GALNT13: variants seen among roughly 807,000 people sequenced by gnomAD.
GALNT13 encodes polypeptide N-acetylgalactosaminyltransferase 13, also known as UDP-GalNAc:polypeptide N-acetylgalactosaminyltransferase 13.
GALNT13 carries 28 observed loss-of-function variants against 64.2 expected under a neutral mutation model. That is an observed-to-expected ratio of 0.44 (90% CI 0.32 to 0.60). The LOEUF is 0.60. Ranked by LOEUF, GALNT13 falls within the 20% of genes least tolerant of loss-of-function variation. GALNT13 has a pLI of 0.05. For missense variants in GALNT13, 577 were observed against 669.8 expected, an observed-to-expected ratio of 0.86 and a Z score of 1.53; for synonymous variants, 214 against 224.6, an observed-to-expected ratio of 0.95 and a Z score of 0.42.
the GALNT13 span, among the ~76,000 whole-genome samples, chr2:153,255,863 T>A: frequency 0.34 from 51,743 of 152,072 alleles, 9,035 homozygotes; most frequent in Middle Eastern, 0.51. Flanking sequence ...CTTCCCTTTG[T>A]GGGTAACTTC....
intron 3 of GALNT13, among the ~76,000 whole-genome samples, chr2:153,994,009 G>A (rs1435867922): frequency 1.3e-5 from 2 of 151,986 alleles, no homozygotes; most frequent in Non-Finnish European, 2.9e-5. Context: ...TTGGTGTGCT[G>A]CACCCATTAA....
At chr2:154,354,600 A>G (rs1041045940) in intron 9 of GALNT13, among the ~76,000 whole-genome samples, 1 of 141,074 alleles carries the variant, frequency 7.1e-6, no homozygotes, top group African/African-American at 2.6e-5. Context: ...ATGGTGTGAA[A>G]TGGTGGTTCA....
At chr2:154,361,771 T>A (rs1423305039) in intron 9 of GALNT13, among the ~76,000 whole-genome samples, 1 of 152,132 alleles carries the variant, frequency 6.6e-6, no homozygotes, top group Non-Finnish European at 1.5e-5. Flanking sequence ...GCCTGTGTCA[T>A]TCTAATAAGC....
At position 154,290,976 on chromosome 2, in the gene GALNT13, C is replaced by T. The variant is rs1316476992; in HGVS notation, c.976-10433C>T. Among the ~76,000 whole-genome samples the T allele has an allele frequency of 1.3e-4, 20 of 152,024 alleles. 1 individual carries two copies. The highest frequency in any genetic ancestry group is 1.3e-3 in the Admixed American group (20 of 15,282). On this transcript the variant is annotated intron_variant, in intron 8 of 12. Transcript: ENST00000392825. ...GGTCTCGCGGGCTTCAGGAGTGAAG[C>T]TACAGACCTTCTCGGTGAGCGTTAC... is the stretch of plus-strand genomic sequence containing the variant.
At chr2:153,218,469 C>G in the GALNT13 span, among the ~76,000 whole-genome samples, 1 of 152,226 alleles carries the variant, frequency 6.6e-6, no homozygotes, top group Admixed American at 6.5e-5. Flanking sequence ...TACCAGTGCC[C>G]TAAGAGCCAC....
At chr2:154,335,439 C>A (rs1297472219) in intron 9 of GALNT13, among the ~76,000 whole-genome samples, 1 of 151,918 alleles carries the variant, frequency 6.6e-6, no homozygotes, top group Non-Finnish European at 1.5e-5. Flanking sequence ...TGTGTTTTCT[C>A]CCCTTTTCAG....
intron 3 of GALNT13, among the ~76,000 whole-genome samples, chr2:153,982,388 G>T (rs1374363058): frequency 6.6e-6 from 1 of 152,046 alleles, no homozygotes; most frequent in East Asian, 1.9e-4. Context: ...TGTATACAAA[G>T]CATTTTCTAC....
At chr2:154,409,502 A>G (rs868127936) in intron 11 of GALNT13, among the ~76,000 whole-genome samples, 8 of 152,144 alleles carry the variant, frequency 5.3e-5, no homozygotes, top group Middle Eastern at 6.8e-3. Flanking sequence ...GAAGTTTAAT[A>G]AAATGTTTAA....
At chr2:153,153,928 G>T in the GALNT13 span, among the ~76,000 whole-genome samples, 2 of 151,952 alleles carry the variant, frequency 1.3e-5, no homozygotes, top group Non-Finnish European at 2.9e-5. Context: ...TTCCAATTCT[G>T]TGAAGAATAT....
the GALNT13 span, among the ~76,000 whole-genome samples, chr2:153,786,368 C>A: frequency 6.6e-6 from 1 of 152,120 alleles, no homozygotes; most frequent in East Asian, 1.9e-4. Context: ...CCCCTCTTCG[C>A]CAGTTGGGAC....
At position 154,269,926 on chromosome 2, in the gene GALNT13, T is replaced by TATATATA. The variant is rs1356571076; in HGVS notation, c.975+10788_975+10789insATATATA. Among the ~76,000 whole-genome samples, 5 of 33,342 alleles carry TATATATA rather than the reference T, an allele frequency of 1.5e-4. 1 individual carries two copies. Among genetic ancestry groups the TATATATA allele is most frequent in the South Asian group, 1.5e-3 (1 of 648 alleles). 21.9% of individuals were successfully genotyped at this position (33,342 alleles called of 152,430 possible). ...TATGTGTATATATATATATATATAT[T>TATATATA]TCTAAAGCACAGGGTGAGTAGGTGT... On this transcript the variant is annotated intron_variant, in intron 8 of 12. Transcript: ENST00000392825.
intron 11 of GALNT13, among the ~76,000 whole-genome samples, chr2:154,433,929 T>G (rs748927099): frequency 6.6e-6 from 1 of 152,188 alleles, no homozygotes; most frequent in Non-Finnish European, 1.5e-5. Flanking sequence ...ATATTAGAGA[T>G]GAGTCTTTAA....
chr2:154,204,050 A>G (rs1687309784), intron 4 of GALNT13, among the ~76,000 whole-genome samples: 1 of 152,086 alleles, frequency 6.6e-6, no homozygotes, highest in Non-Finnish European at 1.5e-5. Context: ...CCACAAGCCC[A>G]TTTTGATCCA....
At chr2:153,656,906 C>T in the GALNT13 span, among the ~76,000 whole-genome samples, 1 of 151,912 alleles carries the variant, frequency 6.6e-6, no homozygotes, top group Non-Finnish European at 1.5e-5. Flanking sequence ...GGAGGTGCAA[C>T]CCAGCTTTTA....
At chr2:153,536,202 A>G in the GALNT13 span, among the ~76,000 whole-genome samples, 1 of 152,162 alleles carries the variant, frequency 6.6e-6, no homozygotes, top group Admixed American at 6.5e-5. Flanking sequence ...TCAAGCTCCA[A>G]TGGTAAAACT....
chr2:153,675,351 G>C, the GALNT13 span, among the ~76,000 whole-genome samples: 1 of 152,188 alleles, frequency 6.6e-6, no homozygotes, highest in Admixed American at 6.6e-5. Context: ...ATACACCATG[G>C]AATACTATGC....
intron 4 of GALNT13, among the ~76,000 whole-genome samples, chr2:154,145,088 C>CTATA (rs1231342170): frequency 4.0e-4 from 48 of 121,208 alleles, no homozygotes; most frequent in Non-Finnish European, 5.9e-4. Context: ...ATCTATCTAT[C>CTATA]TATCTATCTA....
At chr2:153,226,356 T>C in the GALNT13 span, among the ~76,000 whole-genome samples, 1 of 152,184 alleles carries the variant, frequency 6.6e-6, no homozygotes, top group Non-Finnish European at 1.5e-5. Flanking sequence ...TCTTTAAATG[T>C]AGGTTATACA....
At chr2:153,212,413 C>T in the GALNT13 span, among the ~76,000 whole-genome samples, 2 of 152,110 alleles carry the variant, frequency 1.3e-5, no homozygotes, top group Non-Finnish European at 2.9e-5. Context: ...TCCTATTGTG[C>T]ACATTGCATC....
Sources: allele counts gnomAD v4.1 joint callset (sites outside exome capture counted in the v4.1 genomes callset), GRCh38; gene constraint gnomAD v4.1.1; transcripts MANE v1.5; gene names NCBI Gene and HGNC (gene_info 2026-07-23, HGNC 2026-07-21).